GRM8: variants seen among roughly 807,000 people sequenced by gnomAD.
The protein encoded by GRM8 is glutamate metabotropic receptor 8, also known as metabotropic glutamate receptor 8.
Under a neutral mutation model 87.2 loss-of-function variants are expected in GRM8, and 47 were observed. That is an observed-to-expected ratio of 0.54 (90% CI 0.43 to 0.69). GRM8 has a LOEUF of 0.69. Among genes scored for constraint, GRM8 ranks in the 30% least tolerant of loss-of-function variants. The pLI, the probability that GRM8 is intolerant of heterozygous loss-of-function variation, is 0.00. For missense variants in GRM8, 1,019 were observed against 1,139.2 expected, an observed-to-expected ratio of 0.89 and a Z score of 1.52; for synonymous variants, 396 against 404.5, an observed-to-expected ratio of 0.98 and a Z score of 0.25.
intron 7 of GRM8, among the ~76,000 whole-genome samples, chr7:126,684,107 G>A (rs943015353): frequency 2.0e-5 from 3 of 152,112 alleles, no homozygotes; most frequent in Admixed American, 6.6e-5. Context: ...ATGGAAGACA[G>A]GGAAATAAAT....
At chr7:126,456,835 A>T (rs536063985) in intron 9 of GRM8, among the ~76,000 whole-genome samples, 1 of 151,476 alleles carries the variant, frequency 6.6e-6, no homozygotes, top group Non-Finnish European at 1.5e-5. Flanking sequence ...TAACATCTAC[A>T]TTTTTTTAAA....
At position 127,167,214 on chromosome 7, in the gene GRM8, T is replaced by A. The variant is rs572806073; in HGVS notation, c.511-60502A>T. On this transcript the variant is annotated intron_variant, in intron 2 of 10. Coordinates refer to ENST00000339582, the MANE Select transcript of GRM8 (RefSeq NM_000845.3). Reference sequence around the variant, plus strand: ...TATACAAGTAATAAAGTTTTAATAATGAAACTGACCAAAAACCAGTCTGCT... The same window carrying A: ...TATACAAGTAATAAAGTTTTAATAAAGAAACTGACCAAAAACCAGTCTGCT... 3.9e-5 allele frequency among the ~76,000 whole-genome samples: 6 copies of A among 152,258 alleles called. No individual in the cohort carries two copies. The South Asian group carries it at 1.2e-3, about 32-fold the overall frequency.
chr7:126,906,747 G>A (rs1373218694), intron 3 of GRM8, among the ~76,000 whole-genome samples: 1 of 152,158 alleles, frequency 6.6e-6, no homozygotes, highest in Non-Finnish European at 1.5e-5. Context: ...TTAAGTTAGA[G>A]AACATTCAAA....
chr7:127,229,596 G>A (rs906747655), intron 2 of GRM8: 3 of 152,160 alleles, frequency 2.0e-5, no homozygotes, highest in African/African-American at 7.2e-5. Flanking sequence ...ATCTCACATT[G>A]AGCTCTCATT....
intron 7 of GRM8, among the ~76,000 whole-genome samples, chr7:126,706,486 G>A (rs867775356): frequency 3.2e-4 from 48 of 152,230 alleles, no homozygotes; most frequent in Admixed American, 7.9e-4. Flanking sequence ...TTTCCTTGGA[G>A]AAGGTCAGCC....
chr7:127,243,685 G>C (rs1305996410), intron 1 of GRM8, among the ~76,000 whole-genome samples, 170 bp from the exon 2 acceptor site: 1 of 152,014 alleles, frequency 6.6e-6, no homozygotes, highest in Non-Finnish European at 1.5e-5. Flanking sequence ...TCTAAACAGG[G>C]AGATTGATCA....
At chr7:126,916,202 T>C (rs13237493) in intron 3 of GRM8, among the ~76,000 whole-genome samples, 23,424 of 152,222 alleles carry the variant, frequency 0.15, 2,069 homozygotes, top group Non-Finnish European at 0.21. Context: ...TTCTGGACTT[T>C]AAAACAGCAT....
At chr7:126,714,425 G>A (rs1811498400) in intron 7 of GRM8, among the ~76,000 whole-genome samples, 2 of 151,884 alleles carry the variant, frequency 1.3e-5, no homozygotes, top group African/African-American at 4.8e-5. Context: ...TATCAAGGAG[G>A]TTCTCTTATT....
intron 7 of GRM8, among the ~76,000 whole-genome samples, chr7:126,739,431 CCACAT>C (rs750010954): frequency 2.8e-4 from 38 of 137,640 alleles, no homozygotes; most frequent in Non-Finnish European, 3.6e-4. Flanking sequence ...CACACACACA[CCACAT>C]ACAAAACATA....
At chr7:126,600,306 A>C (rs1205641175) in intron 8 of GRM8, among the ~76,000 whole-genome samples, 1 of 152,138 alleles carries the variant, frequency 6.6e-6, no homozygotes, top group Non-Finnish European at 1.5e-5. Context: ...GGTTTTTTTC[A>C]ATCGAACACA....
intron 9 of GRM8, among the ~76,000 whole-genome samples, chr7:126,465,836 T>C (rs1171622495): frequency 1.3e-5 from 2 of 151,898 alleles, no homozygotes; most frequent in African/African-American, 2.4e-5. Flanking sequence ...CAGTACAATA[T>C]TGAATAACAG....
At chr7:126,677,614 C>A (rs888774569) in intron 7 of GRM8, among the ~76,000 whole-genome samples, 4 of 152,064 alleles carry the variant, frequency 2.6e-5, no homozygotes, top group African/African-American at 7.2e-5. Flanking sequence ...CCAAATACCA[C>A]GTGTTCTTAT....
intron 3 of GRM8, among the ~76,000 whole-genome samples, chr7:126,914,219 G>T (rs1430089998): frequency 6.6e-6 from 1 of 152,140 alleles, no homozygotes; most frequent in East Asian, 1.9e-4. Context: ...AAACCACTAT[G>T]AGACATCATC....
chr7:127,177,046 A>G (rs1794149495), intron 2 of GRM8, among the ~76,000 whole-genome samples: 1 of 152,294 alleles, frequency 6.6e-6, no homozygotes, highest in Non-Finnish European at 1.5e-5. Context: ...CAGACTCCAC[A>G]GGCAGGGGAA....
At chr7:126,915,483 A>C (rs1179507028) in intron 3 of GRM8, among the ~76,000 whole-genome samples, 1 of 152,236 alleles carries the variant, frequency 6.6e-6, no homozygotes, top group Non-Finnish European at 1.5e-5. Context: ...ACACAGAATC[A>C]CAACTCATAC....
intron 2 of GRM8, among the ~76,000 whole-genome samples, chr7:127,197,023 C>A (rs1795316489): frequency 6.6e-6 from 1 of 152,100 alleles, no homozygotes; most frequent in Non-Finnish European, 1.5e-5. Context: ...GGGAGGCCAT[C>A]TTGAAGAGTT....
rs182401037 is a variant in GRM8 at position 126,732,830 on chromosome 7, T to A, written c.1357+37035A>T. Among the ~76,000 whole-genome samples the A allele has an allele frequency of 1.5e-3, 230 of 152,264 alleles. No individual in the cohort carries two copies. In the Middle Eastern group the frequency reaches 0.017, roughly 11 times the overall value. ...AAAATCTGAATTTTCTTAAGAATAG[T>A]TTAGGAATAAAAAAATCCTGTTTAG... On this transcript the variant is annotated intron_variant, in intron 7 of 10. Coordinates refer to ENST00000339582, the MANE Select transcript of GRM8 (RefSeq NM_000845.3).
chr7:126,827,103 G>A (rs1031679167), intron 6 of GRM8, among the ~76,000 whole-genome samples: 1 of 152,212 alleles, frequency 6.6e-6, no homozygotes, highest in African/African-American at 2.4e-5. Flanking sequence ...GTACCATGCT[G>A]TTTTGGTTAC....
intron 8 of GRM8, among the ~76,000 whole-genome samples, chr7:126,535,798 C>T (rs1261176007): frequency 6.6e-6 from 1 of 152,120 alleles, no homozygotes; most frequent in East Asian, 1.9e-4. Context: ...CATGAAAACT[C>T]TCAGCAGCCC....
Sources: allele counts gnomAD v4.1 joint callset (sites outside exome capture counted in the v4.1 genomes callset), GRCh38; gene constraint gnomAD v4.1.1; transcripts MANE v1.5; gene names NCBI Gene and HGNC (gene_info 2026-07-23, HGNC 2026-07-21).